METTL6: variants seen among roughly 807,000 people sequenced by gnomAD.
METTL6 encodes the protein tRNA N(3)-cytidine methyltransferase METTL6.
In METTL6, 22 loss-of-function variants were observed where a neutral mutation model predicts 26.4. That is an observed-to-expected ratio of 0.83 (90% confidence interval 0.59 to 1.19). The LOEUF is 1.19. Among genes scored for constraint, METTL6 ranks in the 50% most tolerant of loss-of-function variants. The pLI is 0.00. For missense variants in METTL6, 304 were observed against 324.8 expected, an observed-to-expected ratio of 0.94 and a Z score of 0.49; for synonymous variants, 109 against 116.2, an observed-to-expected ratio of 0.94 and a Z score of 0.40.
intron 6 of METTL6, among the ~76,000 whole-genome samples, chr3:15,384,748 T>C (rs1040387963): frequency 6.6e-6 from 1 of 152,120 alleles, no homozygotes; most frequent in Non-Finnish European, 1.5e-5. Context: ...AGAATGAATA[T>C]GATTTTGTTG....
chr3:15,396,891 C>G (rs948142927), intron 6 of METTL6, among the ~76,000 whole-genome samples: 19 of 152,188 alleles, frequency 1.2e-4, no homozygotes, highest in African/African-American at 4.6e-4. Flanking sequence ...TGTCAGTCTG[C>G]CCCTAATTGG....
chr3:15,418,828 C>T (rs142621180), intron 3 of METTL6, among the ~76,000 whole-genome samples: 1,788 of 151,906 alleles, frequency 0.012, 19 homozygotes, highest in African/African-American at 0.02. Context: ...CCCAAGAGTT[C>T]GAGAGCAGCC....
chr3:15,406,363 T>A (rs184829017), downstream of METTL6, among the ~76,000 whole-genome samples: 2 of 151,468 alleles, frequency 1.3e-5, no homozygotes, highest in Admixed American at 6.6e-5. Context: ...CCAGCGAGAA[T>A]GAACACAAGA....
At chr3:15,382,544 T>G (rs11925771) in exon 7 of METTL6, 11,871 of 151,542 alleles carry the variant, frequency 0.078, 1,290 homozygotes, top group African/African-American at 0.25. Context: ...GCACACACCT[T>G]CAGTCCCAGC....
intron 6 of METTL6, among the ~76,000 whole-genome samples, chr3:15,399,947 T>G (rs573780404): frequency 2.2e-4 from 33 of 152,220 alleles, no homozygotes; most frequent in African/African-American, 7.2e-4. Context: ...TGAAAGAAAT[T>G]TATGAAAGAA....
chr3:15,390,011 T>C (rs889126000), intron 6 of METTL6, among the ~76,000 whole-genome samples: 1 of 150,092 alleles, frequency 6.7e-6, no homozygotes, highest in Non-Finnish European at 1.5e-5. Context: ...TAAGACTCCA[T>C]CTCAAGGGAA....
chr3:15,402,158 A>G (rs1699664382), intron 6 of METTL6, among the ~76,000 whole-genome samples: 1 of 152,202 alleles, frequency 6.6e-6, no homozygotes, highest in Admixed American at 6.5e-5. Flanking sequence ...CTGCCCAGAT[A>G]GAGCCAATCT....
intron 6 of METTL6, among the ~76,000 whole-genome samples, chr3:15,390,751 T>A (rs1413697080): frequency 6.6e-6 from 1 of 152,072 alleles, no homozygotes; most frequent in Non-Finnish European, 1.5e-5. Context: ...CAGTGGAGGG[T>A]CAGGGTGGCA....
intron 3 of METTL6, among the ~76,000 whole-genome samples, chr3:15,416,369 G>C (rs1179325253): frequency 6.6e-6 from 1 of 152,126 alleles, no homozygotes; most frequent in Non-Finnish European, 1.5e-5. Context: ...TCCCACTTCA[G>C]CCTCCTAAGT....
intron 4 of METTL6, chr3:15,415,043 A>ACAAC: frequency 2.6e-6 from 2 of 759,118 alleles, no homozygotes; most frequent in Non-Finnish European, 3.4e-6. Flanking sequence ...GTCTCTTAAA[A>ACAAC]AAACAAACAA....
chr3:15,387,362 G>GT (rs375418025), intron 6 of METTL6, among the ~76,000 whole-genome samples: 24 of 152,292 alleles, frequency 1.6e-4, no homozygotes, highest in African/African-American at 5.5e-4. Context: ...ACTGTATCCT[G>GT]TTTTATCAGT....
intron 6 of METTL6, among the ~76,000 whole-genome samples, chr3:15,398,260 C>T (rs1264772140): frequency 6.6e-6 from 1 of 151,668 alleles, no homozygotes; most frequent in African/African-American, 2.4e-5. Context: ...GTGGAGTGAT[C>T]TTGGCTCACT....
At chr3:15,387,649 C>T (rs1699232821) in intron 6 of METTL6, among the ~76,000 whole-genome samples, 1 of 152,128 alleles carries the variant, frequency 6.6e-6, no homozygotes, top group Non-Finnish European at 1.5e-5. Context: ...AGAGTGATCA[C>T]TCAATATCCC....
chr3:15,402,523 C>T (rs1320583123), intron 6 of METTL6, among the ~76,000 whole-genome samples: 1 of 152,006 alleles, frequency 6.6e-6, no homozygotes, highest in Non-Finnish European at 1.5e-5. Context: ...CACCTGAGGT[C>T]AGGAGTTTGA....
intron 3 of METTL6, among the ~76,000 whole-genome samples, chr3:15,418,656 A>G (rs530105124): frequency 1.3e-5 from 2 of 152,302 alleles, no homozygotes; most frequent in South Asian, 4.1e-4. Flanking sequence ...TAATTTTTCC[A>G]GATTAAAAAA....
At chr3:15,402,433 G>A (rs548712590) in intron 6 of METTL6, among the ~76,000 whole-genome samples, 185 of 152,092 alleles carry the variant, frequency 1.2e-3, no homozygotes, top group Non-Finnish European at 2.4e-3. Flanking sequence ...AGTGGCAGTC[G>A]TCAGAAATGC....
At chr3:15,389,273 G>C (rs1699279419) in intron 6 of METTL6, among the ~76,000 whole-genome samples, 1 of 151,814 alleles carries the variant, frequency 6.6e-6, no homozygotes. Context: ...TTTGGAAATT[G>C]AGCCTGAGAG....
chr3:15,382,050 CT>C (rs11338615), exon 7 of METTL6: 14,878 of 136,094 alleles, frequency 0.11, 709 homozygotes, highest in East Asian at 0.18. Context: ...TTCTTTGGTT[CT>C]TTTTTTTTTT....
chr3:15,416,249 GCTT>G (rs1486102579), intron 3 of METTL6, among the ~76,000 whole-genome samples: 1 of 152,028 alleles, frequency 6.6e-6, no homozygotes, highest in African/African-American at 2.4e-5. Context: ...ACTGGCCTCT[GCTT>G]CTTTTTGTTT....
Sources: gnomAD v4.1 joint callset for allele counts (sites outside exome capture counted in the v4.1 genomes callset) on GRCh38, gnomAD v4.1.1 for gene constraint, MANE v1.5 for transcripts, NCBI Gene and HGNC (gene_info 2026-07-23, HGNC 2026-07-21) for gene names.